Variants in OXR1 observed in about 807,000 individuals in gnomAD.
OXR1 encodes the protein oxidation resistance protein 1.
In OXR1, 41 loss-of-function variants were observed where a neutral mutation model predicts 104.6. The observed-to-expected ratio is 0.39, with a 90% CI of 0.31 to 0.51. The LOEUF (loss-of-function observed/expected upper bound fraction) is 0.51, where lower values mean the gene tolerates loss of function less well. Among genes scored for constraint, OXR1 ranks in the 20% least tolerant of loss-of-function variants. The pLI is 0.77. For missense variants in OXR1, 955 were observed against 1,031.9 expected (o/e 0.93, Z 1.02); for synonymous variants, 348 against 348.4 (o/e 1.00, Z 0.01).
At chr8:106,545,173 C>T (rs1035738052) in intron 3 of OXR1, among the ~76,000 whole-genome samples, 10 of 152,086 alleles carry the variant, frequency 6.6e-5, no homozygotes, top group African/African-American at 2.2e-4. Flanking sequence ...GGCAAAGTCA[C>T]CCCTGGTTGA....
At chr8:106,369,341 G>C (rs961012087) in intron 2 of OXR1, among the ~76,000 whole-genome samples, 1 of 152,158 alleles carries the variant, frequency 6.6e-6, no homozygotes, top group African/African-American at 2.4e-5. Context: ...CTCCCATACT[G>C]TGGGTTACCT....
intron 3 of OXR1, among the ~76,000 whole-genome samples, chr8:106,561,499 C>G (rs1001126956): frequency 1.3e-5 from 2 of 152,166 alleles, no homozygotes; most frequent in Non-Finnish European, 2.9e-5. Flanking sequence ...ATAAAACTCC[C>G]ATCTCCCTGG....
chr8:106,698,064 G>T (rs1224815250), intron 7 of OXR1: 12 of 1,284,648 alleles, frequency 9.3e-6, no homozygotes, highest in Non-Finnish European at 1.2e-5. Context: ...CTGGAGAGCG[G>T]CACACTCACT....
intron 2 of OXR1, among the ~76,000 whole-genome samples, chr8:106,432,648 T>A (rs1819408566): frequency 6.6e-6 from 1 of 152,174 alleles, no homozygotes; most frequent in Non-Finnish European, 1.5e-5. Flanking sequence ...ACCAAGGTTT[T>A]TTTTTTCTGC....
At chr8:106,441,911 T>A (rs562822508) in intron 2 of OXR1, among the ~76,000 whole-genome samples, 9 of 152,310 alleles carry the variant, frequency 5.9e-5, no homozygotes, top group African/African-American at 2.2e-4. Context: ...CCTTTATTTC[T>A]TTCTCTTGCC....
chr8:106,524,143 A>C lies in OXR1; in HGVS notation c.220+5004A>C, dbSNP rs903877947. ...ATAAAACCATTTGAATTTGACAGTGAGCATAAGAAACATATCCTTCAAAAC... is the reference window on the plus strand; with the variant it reads ...ATAAAACCATTTGAATTTGACAGTGCGCATAAGAAACATATCCTTCAAAAC... On this transcript the variant is annotated intron_variant, in intron 3 of 16. Coordinates refer to ENST00000517566, the MANE Select transcript of OXR1 (RefSeq NM_001198533.2). 5.3e-4 allele frequency among the ~76,000 whole-genome samples: 81 copies of C among 152,218 alleles called. 2 individuals carry two copies. Among genetic ancestry groups the C allele is most frequent in the Admixed American group, 6.5e-5 (1 of 15,284 alleles).
chr8:106,279,336 T>C (rs1392462654), intron 1 of OXR1, among the ~76,000 whole-genome samples: 9 of 152,118 alleles, frequency 5.9e-5, no homozygotes, highest in Non-Finnish European at 1.2e-4. Context: ...TAGAGAGAAA[T>C]CATTTTAACA....
intron 7 of OXR1, among the ~76,000 whole-genome samples, chr8:106,702,379 A>G (rs1365289372): frequency 1.3e-5 from 2 of 152,242 alleles, no homozygotes; most frequent in African/African-American, 4.8e-5. Context: ...AGATGAAGAA[A>G]TAAGCCCAGA....
At chr8:106,378,514 T>G (rs1391295401) in intron 2 of OXR1, among the ~76,000 whole-genome samples, 1 of 152,200 alleles carries the variant, frequency 6.6e-6, no homozygotes, top group African/African-American at 2.4e-5. Context: ...TTGTTGTTGT[T>G]GTTGTTGTTT....
At chr8:106,370,354 C>T (rs1049198281) in intron 2 of OXR1, among the ~76,000 whole-genome samples, 2 of 152,112 alleles carry the variant, frequency 1.3e-5, no homozygotes, top group Admixed American at 6.6e-5. Flanking sequence ...ACAGAGACAA[C>T]TTGACTTCCT....
At chr8:106,294,226 C>G (rs150978705) in intron 1 of OXR1, among the ~76,000 whole-genome samples, 25 of 151,138 alleles carry the variant, frequency 1.7e-4, no homozygotes, top group African/African-American at 5.8e-4. Context: ...CATGGTGAAA[C>G]CCCGTCTCTT....
chr8:106,618,938 A>G (rs1217138054), intron 3 of OXR1, among the ~76,000 whole-genome samples: 1 of 152,086 alleles, frequency 6.6e-6, no homozygotes, highest in African/African-American at 2.4e-5. Context: ...TTATCATTAA[A>G]CAGATCGACC....
chr8:106,527,929 A>T (rs1435709109), intron 3 of OXR1, among the ~76,000 whole-genome samples: 1 of 152,216 alleles, frequency 6.6e-6, no homozygotes, highest in Admixed American at 6.5e-5. Flanking sequence ...AAAAACAAAA[A>T]TGAAATTAGA....
At chr8:106,583,618 A>C (rs572541934) in intron 3 of OXR1, among the ~76,000 whole-genome samples, 1 of 152,190 alleles carries the variant, frequency 6.6e-6, no homozygotes, top group Non-Finnish European at 1.5e-5. Flanking sequence ...AACAGTGATA[A>C]AATTTCGTAG....
chr8:106,591,351 G>T (rs1459930155), intron 3 of OXR1, among the ~76,000 whole-genome samples: 5 of 147,350 alleles, frequency 3.4e-5, no homozygotes, highest in Non-Finnish European at 7.5e-5. Flanking sequence ...GCTAAATGAC[G>T]AGTTAATGGG....
intron 1 of OXR1, among the ~76,000 whole-genome samples, chr8:106,348,516 A>G (rs1258544295): frequency 6.6e-6 from 1 of 152,158 alleles, no homozygotes. Flanking sequence ...TTTTTAACTT[A>G]AACTGTTTTT....
chr8:106,658,321 C>CGG, intron 3 of OXR1: 1 of 1,061,712 alleles, frequency 9.4e-7, no homozygotes, highest in Non-Finnish European at 1.2e-6. Flanking sequence ...GCAACGTGGC[C>CGG]GGGGTGGCGG....
At chr8:106,332,587 C>A (rs1406419186) in intron 1 of OXR1, among the ~76,000 whole-genome samples, 6 of 152,042 alleles carry the variant, frequency 3.9e-5, no homozygotes, top group Admixed American at 1.3e-4. Context: ...TACATTAATT[C>A]TTTTAAAAAA....
chr8:106,488,705 C>G (rs1325158792), intron 2 of OXR1, among the ~76,000 whole-genome samples: 8 of 142,002 alleles, frequency 5.6e-5, no homozygotes, highest in African/African-American at 1.1e-4. Flanking sequence ...GCTTGTTTTT[C>G]TCAGGTTTGT....
Sources: allele counts gnomAD v4.1 joint callset (sites outside exome capture counted in the v4.1 genomes callset), GRCh38; gene constraint gnomAD v4.1.1; transcripts MANE v1.5; gene names NCBI Gene and HGNC (gene_info 2026-07-23, HGNC 2026-07-21).